Variants in ZNF730 observed in about 807,000 individuals in gnomAD.
ZNF730 encodes zinc finger protein 730.
ZNF730 carries 12 observed loss-of-function variants against 12.6 expected under a neutral mutation model. The ratio of observed to expected loss-of-function variants is 0.95; its 90% CI spans 0.61 to 1.54. The LOEUF (loss-of-function observed/expected upper bound fraction) is 1.54. Ranked by LOEUF, ZNF730 falls within the 40% of genes most tolerant of loss-of-function variation. ZNF730 has a pLI of 0.00. For missense variants in ZNF730, 643 were observed against 583.5 expected (o/e 1.10, Z -1.05); for synonymous variants, 194 against 195.8 (o/e 0.99, Z 0.08).
intron 1 of ZNF730, among the ~76,000 whole-genome samples, chr19:23,130,387 C>G (rs922594271): frequency 9.2e-5 from 14 of 152,180 alleles, no homozygotes; most frequent in Admixed American, 1.3e-4. Flanking sequence ...AAATCTCTTT[C>G]TCTTCCCAGT....
At chr19:23,079,814 T>C (rs1969933453) in intron 1 of ZNF730, among the ~76,000 whole-genome samples, 1 of 152,232 alleles carries the variant, frequency 6.6e-6, no homozygotes, top group African/African-American at 2.4e-5. Flanking sequence ...ACTTTCTTTT[T>C]TCATGACTTT....
Position 23,146,904 on chromosome 19 carries a change from C to A in ZNF730, c.*348C>A. 3.8e-6 allele frequency: 2 copies of A among 531,232 alleles called. No individual in the cohort carries two copies. The highest frequency in any genetic ancestry group is 6.8e-6 in the Non-Finnish European group (2 of 294,666). 32.9% of individuals were successfully genotyped at this position (531,232 alleles called of 1,614,324 possible). ...AACTCTACAAACCTGAAAGTTTTAA[C>A]AGTGCTTTTGACAACACCTCAAACT... is the stretch of plus-strand genomic sequence containing the variant. On this transcript the variant is annotated 3_prime_UTR_variant, in exon 4 of 4. Coordinates refer to ENST00000597761, the MANE Select transcript of ZNF730 (RefSeq NM_001277403.2).
intron 1 of ZNF730, among the ~76,000 whole-genome samples, chr19:23,090,128 C>T (rs1035847128): frequency 6.6e-6 from 1 of 152,106 alleles, no homozygotes; most frequent in Non-Finnish European, 1.5e-5. Context: ...TGCCTGTAGT[C>T]CCAGCCACTT....
At chr19:23,124,069 A>C (rs1970633388) in intron 1 of ZNF730, 1 of 152,186 alleles carries the variant, frequency 6.6e-6, no homozygotes, top group African/African-American at 2.4e-5. Flanking sequence ...CTCTCCCTGC[A>C]GCGCAGGCTC....
At chr19:23,133,969 C>A in intron 1 of ZNF730, 111 bp from the exon 2 acceptor site, 1 of 1,275,638 alleles carries the variant, frequency 7.8e-7, no homozygotes, top group Non-Finnish European at 1.1e-6. Context: ...TAATTTCAGT[C>A]ACCCCTATAA....
chr19:23,140,137 A>T (rs1015902237), intron 3 of ZNF730, among the ~76,000 whole-genome samples: 2 of 150,178 alleles, frequency 1.3e-5, no homozygotes, highest in Non-Finnish European at 3.0e-5. Flanking sequence ...CATCTTATAT[A>T]TTTTTTTTTC....
chr19:23,091,411 A>G (rs1322278735), intron 1 of ZNF730, among the ~76,000 whole-genome samples: 1 of 152,136 alleles, frequency 6.6e-6, no homozygotes, highest in Non-Finnish European at 1.5e-5. Context: ...TGTGAGAAGA[A>G]GGCCACCATC....
At chr19:23,143,845 G>A (rs1477494397) in intron 3 of ZNF730, 2 of 151,952 alleles carry the variant, frequency 1.3e-5, no homozygotes, top group African/African-American at 2.4e-5. Flanking sequence ...CTTTTATCTT[G>A]TAGCTCCCAA....
intron 3 of ZNF730, among the ~76,000 whole-genome samples, chr19:23,141,264 G>A (rs1239206099): frequency 4.6e-5 from 7 of 151,576 alleles, no homozygotes; most frequent in South Asian, 2.1e-4. Flanking sequence ...GTGTGGTGGC[G>A]GGCACCTGTA....
At chr19:23,095,527 T>C in intron 1 of ZNF730, 2 of 398,176 alleles carry the variant, frequency 5.0e-6, no homozygotes, top group South Asian at 2.6e-4. Context: ...CTCACATGAC[T>C]CTCCCCCTCT....
chr19:23,101,823 C>T (rs1970338880), intron 1 of ZNF730, among the ~76,000 whole-genome samples: 1 of 152,190 alleles, frequency 6.6e-6, no homozygotes. Flanking sequence ...CCGCCTCAGC[C>T]TCCCAAAGTC....
At chr19:23,100,736 A>C (rs771251431) in intron 1 of ZNF730, among the ~76,000 whole-genome samples, 2 of 135,738 alleles carry the variant, frequency 1.5e-5, no homozygotes, top group Non-Finnish European at 1.6e-5. Flanking sequence ...GCTCACTGCA[A>C]CCTCTGCCTC....
At chr19:23,118,788 G>T (rs915483120) in intron 1 of ZNF730, among the ~76,000 whole-genome samples, 3 of 152,094 alleles carry the variant, frequency 2.0e-5, no homozygotes, top group African/African-American at 7.2e-5. Flanking sequence ...TATCCAAATG[G>T]CAGATTTTAC....
intron 3 of ZNF730, among the ~76,000 whole-genome samples, chr19:23,137,680 C>T (rs1052812138): frequency 6.6e-6 from 1 of 152,208 alleles, no homozygotes; most frequent in African/African-American, 2.4e-5. Context: ...AAGAAGCAAA[C>T]ACCTCTTCAG....
chr19:23,084,213 A>T (rs1599565804), intron 1 of ZNF730, among the ~76,000 whole-genome samples: 1 of 152,140 alleles, frequency 6.6e-6, no homozygotes, highest in East Asian at 1.9e-4. Context: ...CCATTGTTAA[A>T]AACTAGTTGG....
At chr19:23,108,371 C>A (rs773872942) in intron 1 of ZNF730, among the ~76,000 whole-genome samples, 2 of 151,792 alleles carry the variant, frequency 1.3e-5, no homozygotes, top group Non-Finnish European at 2.9e-5. Context: ...TACATGCAGT[C>A]TGGGATGAAA....
chr19:23,132,450 C>T (rs578169246), intron 1 of ZNF730, among the ~76,000 whole-genome samples: 6 of 151,918 alleles, frequency 3.9e-5, no homozygotes, highest in Admixed American at 6.6e-5. Context: ...GTTGTAACTA[C>T]GTTTTAAAAT....
chr19:23,138,282 C>CAAAAAAAA (rs1315758966), intron 3 of ZNF730, among the ~76,000 whole-genome samples: 6 of 9,460 alleles, frequency 6.3e-4, no homozygotes, highest in African/African-American at 1.0e-3. Flanking sequence ...GACTCCGTCT[C>CAAAAAAAA]AAAAAAAAAA....
intron 1 of ZNF730, among the ~76,000 whole-genome samples, chr19:23,098,146 GAA>G (rs886591031): frequency 1.5e-5 from 2 of 132,096 alleles, no homozygotes; most frequent in African/African-American, 5.6e-5. Flanking sequence ...TCTGTCTCAA[GAA>G]AAAAAAAAAA....
Sources: allele counts gnomAD v4.1 joint callset (sites outside exome capture counted in the v4.1 genomes callset), GRCh38; gene constraint gnomAD v4.1.1; transcripts MANE v1.5; gene names NCBI Gene and HGNC (gene_info 2026-07-23, HGNC 2026-07-21).